Variants in FBN1 observed in about 807,000 individuals in gnomAD.
The protein encoded by FBN1 is fibrillin 1.
A neutral mutation model predicts 365.1 loss-of-function variants in FBN1; 29 were observed. The ratio of observed to expected loss-of-function variants is 0.08; its 90% CI spans 0.06 to 0.11. The LOEUF (loss-of-function observed/expected upper bound fraction) is 0.11, where lower values mean the gene tolerates loss of function less well. FBN1 is among the 10% of genes least tolerant of loss of function. The pLI, the probability that FBN1 is intolerant of heterozygous loss-of-function variation, is 1.00. For synonymous variants in FBN1, 1,210 were observed against 1,270.5 expected (o/e 0.95, Z 1.01); for missense variants, 2,476 against 3,703.2 (o/e 0.67, Z 8.60).
intron 62 of FBN1, among the ~76,000 whole-genome samples, chr15:48,421,248 T>C (rs912759268): frequency 1.3e-5 from 2 of 152,202 alleles, no homozygotes; most frequent in South Asian, 4.1e-4. Flanking sequence ...CTGGACCCAG[T>C]GACCAGAAAA....
At chr15:48,635,768 CA>C (rs1890080701) in intron 2 of FBN1, among the ~76,000 whole-genome samples, 1 of 152,180 alleles carries the variant, frequency 6.6e-6, no homozygotes, top group African/African-American at 2.4e-5. Context: ...CATACTGCTT[CA>C]TTAGGAACTT....
chr15:48,568,320 T>C (rs1201945424), intron 6 of FBN1, among the ~76,000 whole-genome samples: 1 of 152,064 alleles, frequency 6.6e-6, no homozygotes, highest in Middle Eastern at 3.2e-3. Context: ...CAAAAGTGCA[T>C]AATTTGTGCA....
At chr15:48,573,858 C>A (rs910134407) in intron 6 of FBN1, among the ~76,000 whole-genome samples, 26 of 152,196 alleles carry the variant, frequency 1.7e-4, no homozygotes, top group African/African-American at 6.0e-4. Context: ...TGCAGACAGG[C>A]CAGGACGCCA....
In FBN1 at chr15:48,434,577, C is replaced by A; in HGVS notation, c.6616+17G>T. ...ATCAGTACACGTAATCAACTGTTCT[C>A]TGTTTAAGAGATGTACCTTCACATG... On this transcript the variant is annotated intron_variant, in intron 54 of 65. Coordinates refer to ENST00000316623, the MANE Select transcript of FBN1 (RefSeq NM_000138.5). The A allele has an allele frequency of 2.5e-6, 4 of 1,613,416 alleles. No individual in the cohort carries two copies. The highest frequency in any genetic ancestry group is 3.4e-6 in the Non-Finnish European group (4 of 1,179,594).
At chr15:48,484,476 A>T (rs1313494453) in intron 30 of FBN1, among the ~76,000 whole-genome samples, 1 of 151,714 alleles carries the variant, frequency 6.6e-6, no homozygotes, top group Non-Finnish European at 1.5e-5. Context: ...GGTTCAAGCG[A>T]TTCTCCTGCC....
At chr15:48,499,922 T>C (rs1436449135) in intron 17 of FBN1, among the ~76,000 whole-genome samples, 3 of 152,202 alleles carry the variant, frequency 2.0e-5, no homozygotes, top group South Asian at 2.1e-4. Flanking sequence ...GGGCTTATTG[T>C]AGAGGCTGAC....
At chr15:48,443,282 G>GA (rs1337878053) in intron 49 of FBN1, among the ~76,000 whole-genome samples, 2 of 152,110 alleles carry the variant, frequency 1.3e-5, no homozygotes, top group African/African-American at 4.8e-5. Flanking sequence ...TAACTTTTGT[G>GA]AAAATGCTCA....
chr15:48,643,539 A>T (rs535455403), intron 2 of FBN1: 9 of 152,338 alleles, frequency 5.9e-5, no homozygotes, highest in Non-Finnish European at 1.3e-4. Context: ...ATAACACCTC[A>T]TAACAAAAAA....
At chr15:48,435,766 G>GTGTGTATATATGTGTGTATATATA (rs1566895666) in intron 53 of FBN1, among the ~76,000 whole-genome samples, 2 of 28,142 alleles carry the variant, frequency 7.1e-5, no homozygotes, top group African/African-American at 3.4e-4. Flanking sequence ...GTATATATAT[G>GTGTGTATATATGTGTGTATATATA]TGTATATGTG....
chr15:48,548,422 G>A (rs962607770), intron 6 of FBN1, among the ~76,000 whole-genome samples: 2 of 152,218 alleles, frequency 1.3e-5, no homozygotes, highest in East Asian at 1.9e-4. Context: ...ACTATCCCAT[G>A]GGCAGATAGG....
At chr15:48,532,192 G>A (rs915606413) in intron 8 of FBN1, among the ~76,000 whole-genome samples, 1 of 152,162 alleles carries the variant, frequency 6.6e-6, no homozygotes. Context: ...AAAAGCAAGA[G>A]ACAAAATCAA....
chr15:48,645,195 T>C (rs1350876322), intron 1 of FBN1, among the ~76,000 whole-genome samples: 1 of 151,868 alleles, frequency 6.6e-6, no homozygotes. Flanking sequence ...AGTACCCATA[T>C]CCCCAGCGGT....
At chr15:48,602,031 T>C (rs2140721136) in intron 4 of FBN1, among the ~76,000 whole-genome samples, 1 of 152,274 alleles carries the variant, frequency 6.6e-6, no homozygotes, top group South Asian at 2.1e-4. Flanking sequence ...TCTGAGTGCC[T>C]ACTATGTGCC....
At chr15:48,493,817 T>A (rs1277848861) in intron 23 of FBN1, among the ~76,000 whole-genome samples, 1 of 152,210 alleles carries the variant, frequency 6.6e-6, no homozygotes, top group Non-Finnish European at 1.5e-5. Flanking sequence ...AAACAGAATG[T>A]GTCCTTCTAA....
At position 48,510,168 on chromosome 15, in the gene FBN1, G is replaced by A. The variant is rs989370431; in HGVS notation, c.1590C>T (p.Asp530=). 6.2e-7 allele frequency: 1 copy of A among 1,612,812 alleles called. No individual in the cohort carries two copies. Among genetic ancestry groups the A allele is most frequent in the African/African-American group, 1.3e-5 (1 of 74,826 alleles). ...GGCCATTCTGTAAACACTCATCAAT[G>A]TCTAAAATCAAAGTTTAAAAAGAAG... is the stretch of plus-strand genomic sequence containing the variant. ...QSTLTRTECR[D]IDECLQNGRI... is the part of the protein sequence containing the mutation. Residue 530 remains aspartate, a splice_region_variant and synonymous_variant, in exon 14 of 66, where the codon GAC becomes GAT. Coordinates refer to ENST00000316623, the MANE Select transcript of FBN1 (RefSeq NM_000138.5).
At chr15:48,457,163 G>C (rs952563405) in intron 43 of FBN1, among the ~76,000 whole-genome samples, 6 of 152,050 alleles carry the variant, frequency 3.9e-5, no homozygotes, top group African/African-American at 1.5e-4. Context: ...AACCACAGAG[G>C]AGCACATGGT....
intron 15 of FBN1, 44 bp downstream of exon 15, chr15:48,508,538 A>G: frequency 6.2e-7 from 1 of 1,612,328 alleles, no homozygotes; most frequent in Non-Finnish European, 8.5e-7. Flanking sequence ...TAAGGAGGAG[A>G]AAAGGCACGT....
At position 48,638,716 on chromosome 15, in the gene FBN1, A is replaced by T. The variant is rs191826812; in HGVS notation, c.164+5890T>A. 2.5e-3 allele frequency among the ~76,000 whole-genome samples: 374 copies of T among 152,260 alleles called. 3 individuals are homozygous for T. Among genetic ancestry groups the T allele is most frequent in the African/African-American group, 8.9e-3 (370 of 41,528 alleles). On this transcript the variant is annotated intron_variant, in intron 2 of 65. Coordinates refer to ENST00000316623, the MANE Select transcript of FBN1 (RefSeq NM_000138.5). ...GTTAAAAAATGAAAAAGAAATAATT[A>T]AATAACTCATATGACTGGTCGTGAT...
intron 8 of FBN1, among the ~76,000 whole-genome samples, chr15:48,532,392 T>C (rs1378976178): frequency 6.7e-6 from 1 of 149,104 alleles, no homozygotes; most frequent in Non-Finnish European, 1.5e-5. Context: ...TAAACTTTAA[T>C]GGCTTGTTAA....
Sources: gnomAD v4.1 joint callset for allele counts (sites outside exome capture counted in the v4.1 genomes callset) on GRCh38, gnomAD v4.1.1 for gene constraint, MANE v1.5 for transcripts, NCBI Gene and HGNC (gene_info 2026-07-23, HGNC 2026-07-21) for gene names.